The following PTPRD variants were observed in gnomAD, a reference collection of about 807,000 sequenced individuals.
The protein encoded by PTPRD is receptor-type tyrosine-protein phosphatase delta.
In PTPRD, 34 loss-of-function variants were observed where a neutral mutation model predicts 214.5. The ratio of observed to expected loss-of-function variants is 0.16; its 90% CI spans 0.12 to 0.21. PTPRD has a LOEUF of 0.21. Ranked by LOEUF, PTPRD falls within the 10% of genes least tolerant of loss-of-function variation. The pLI, the probability that PTPRD is intolerant of heterozygous loss-of-function variation, is 1.00. For missense variants in PTPRD, 2,545 were observed against 2,398.7 expected (o/e 1.06, Z -1.27); for synonymous variants, 1,128 against 845.7 (o/e 1.33, Z -5.79).
chr9:9,538,901 G>T (rs1394979356), intron 8 of PTPRD, among the ~76,000 whole-genome samples: 1 of 151,670 alleles, frequency 6.6e-6, no homozygotes, highest in South Asian at 2.1e-4. Flanking sequence ...ATATCATATG[G>T]ATATGTAATT....
In PTPRD at chr9:8,317,825, A is replaced by ATGGATATTGAAGGGCCTGTAGT; in HGVS notation, c.*27_*48dup. The ATGGATATTGAAGGGCCTGTAGT allele has an allele frequency of 6.4e-7, 1 of 1,554,232 alleles. No homozygotes were observed. The highest frequency in any genetic ancestry group is 8.9e-7 in the Non-Finnish European group (1 of 1,126,424). On this transcript the variant is annotated 3_prime_UTR_variant, in exon 46 of 46. Transcript: ENST00000381196. The stretch of plus-strand genomic sequence containing the variant: ...CCCTGTATGGCTCAGAAGAGACTCC[A>ATGGATATTGAAGGGCCTGTAGT]TGGATATTGAAGGGCCTGTAGTAAA...
At chr9:9,975,781 T>C (rs2095329837) in intron 4 of PTPRD, among the ~76,000 whole-genome samples, 1 of 152,156 alleles carries the variant, frequency 6.6e-6, no homozygotes, top group African/African-American at 2.4e-5. Context: ...CTAACACTTA[T>C]TAGTTCTGTT....
rs182994408 is a variant in PTPRD at position 8,568,440 on chromosome 9, T to C, written c.353-39661A>G. ...TGGAACCTTTCATTCCTATTACTCCTAAATCACCTATAAAGAAATTGGTAA... is the reference window on the plus strand; with the variant it reads ...TGGAACCTTTCATTCCTATTACTCCCAAATCACCTATAAAGAAATTGGTAA... On this transcript the variant is annotated intron_variant, in intron 14 of 45. Coordinates refer to ENST00000381196, the MANE Select transcript of PTPRD (RefSeq NM_002839.4). 2.0e-3 allele frequency among the ~76,000 whole-genome samples: 310 copies of C among 152,254 alleles called. 2 individuals are homozygous for C. Among genetic ancestry groups the C allele is most frequent in the Non-Finnish European group, 3.7e-3 (251 of 68,004 alleles).
At chr9:9,550,111 A>T (rs1028402529) in intron 8 of PTPRD, among the ~76,000 whole-genome samples, 1 of 151,978 alleles carries the variant, frequency 6.6e-6, no homozygotes, top group Non-Finnish European at 1.5e-5. Flanking sequence ...CCCCCATAAC[A>T]TGAATGGAAT....
intron 10 of PTPRD, among the ~76,000 whole-genome samples, chr9:9,097,092 AC>A (rs1179974966): frequency 6.6e-6 from 1 of 152,192 alleles, no homozygotes; most frequent in African/African-American, 2.4e-5. Flanking sequence ...ATATAAGGCA[AC>A]ATTTGGTTTG....
At chr9:9,161,288 T>C (rs1270562407) in intron 10 of PTPRD, among the ~76,000 whole-genome samples, 1 of 152,166 alleles carries the variant, frequency 6.6e-6, no homozygotes, top group African/African-American at 2.4e-5. Context: ...AAACATCATA[T>C]AGTGACCTGT....
intron 10 of PTPRD, among the ~76,000 whole-genome samples, chr9:9,112,239 C>G (rs2099807126): frequency 1.3e-5 from 2 of 152,142 alleles, no homozygotes; most frequent in African/African-American, 4.8e-5. Context: ...TGGGTGCCCT[C>G]CTCTAGCTAA....
intron 9 of PTPRD, among the ~76,000 whole-genome samples, chr9:9,337,832 G>C (rs1299466009): frequency 2.0e-5 from 3 of 152,048 alleles, no homozygotes; most frequent in Admixed American, 2.0e-4. Context: ...CTCTATCATA[G>C]GTACAAATTA....
chr9:9,468,206 T>C (rs1300647950), intron 8 of PTPRD, among the ~76,000 whole-genome samples: 1 of 152,066 alleles, frequency 6.6e-6, no homozygotes, highest in Admixed American at 6.6e-5. Context: ...TTTATCGGTT[T>C]TTATTTTTTC....
At chr9:8,463,073 T>G (rs2096457652) in intron 32 of PTPRD, among the ~76,000 whole-genome samples, 1 of 151,874 alleles carries the variant, frequency 6.6e-6, no homozygotes, top group Non-Finnish European at 1.5e-5. Context: ...TATATTTAAA[T>G]GTTTTAACCT....
At chr9:10,062,996 T>C (rs2097802091) in intron 3 of PTPRD, among the ~76,000 whole-genome samples, 1 of 152,058 alleles carries the variant, frequency 6.6e-6, no homozygotes, top group South Asian at 2.1e-4. Flanking sequence ...ATTAATATGT[T>C]AAGAAAAGAC....
intron 8 of PTPRD, among the ~76,000 whole-genome samples, chr9:9,478,563 A>G (rs576387838): frequency 6.6e-6 from 1 of 152,142 alleles, no homozygotes; most frequent in Non-Finnish European, 1.5e-5. Flanking sequence ...AAGTAAACAG[A>G]TCTTGCCACA....
chr9:10,060,872 C>CTTT lies in PTPRD; in HGVS notation c.-544-27083_-544-27082insAAA, dbSNP rs1477665562. Reference sequence around the variant, plus strand: ...TCCTTTCTTTCTTCCTTCCTTCTTTCCTTCCTTCCTTCCTTCCTTCCTTCC... The same window carrying CTTT: ...TCCTTTCTTTCTTCCTTCCTTCTTTCTTTCTTCCTTCCTTCCTTCCTTCCTTCC... On this transcript the variant is annotated intron_variant, in intron 3 of 45. Transcript: ENST00000381196. 1.2e-3 allele frequency among the ~76,000 whole-genome samples: 79 copies of CTTT among 68,552 alleles called. 5 individuals carry two copies. In the African/African-American group the frequency reaches 0.012, roughly 11 times the overall value. The allele number at this position is 68,552 out of a possible 152,430, so 45.0% of individuals were successfully genotyped here.
intron 12 of PTPRD, among the ~76,000 whole-genome samples, chr9:8,671,419 A>T (rs1397420292): frequency 6.6e-6 from 1 of 152,130 alleles, no homozygotes; most frequent in African/African-American, 2.4e-5. Flanking sequence ...AAAAGAAGCA[A>T]AAGGGAATGA....
chr9:8,837,736 A>C (rs986543131), intron 11 of PTPRD, among the ~76,000 whole-genome samples: 1 of 152,140 alleles, frequency 6.6e-6, no homozygotes, highest in Admixed American at 6.6e-5. Context: ...TTCTAGACTC[A>C]AGTGATTCTC....
chr9:8,502,858 A>ATG (rs1234466928), intron 23 of PTPRD, among the ~76,000 whole-genome samples: 1 of 151,112 alleles, frequency 6.6e-6, no homozygotes, highest in African/African-American at 2.4e-5. Context: ...GTATATATAT[A>ATG]TATATACACA....
At chr9:10,231,063 C>A (rs1398924174) in intron 3 of PTPRD, among the ~76,000 whole-genome samples, 1 of 151,906 alleles carries the variant, frequency 6.6e-6, no homozygotes, top group African/African-American at 2.4e-5. Flanking sequence ...AAGGAAGACA[C>A]AGAAGCTTGC....
At chr9:9,416,420 T>A (rs10739191) in intron 8 of PTPRD, among the ~76,000 whole-genome samples, 43,811 of 152,072 alleles carry the variant, frequency 0.29, 6,520 homozygotes, top group African/African-American at 0.34. Flanking sequence ...GATCCTTGGT[T>A]TCCTCATGGG....
chr9:9,806,604 C>T (rs767278240), intron 5 of PTPRD, among the ~76,000 whole-genome samples: 8 of 152,180 alleles, frequency 5.3e-5, no homozygotes, highest in Non-Finnish European at 8.8e-5. Context: ...AATGATAATC[C>T]CACCACCCTT....
Sources: gnomAD v4.1 joint callset for allele counts (sites outside exome capture counted in the v4.1 genomes callset) on GRCh38, gnomAD v4.1.1 for gene constraint, MANE v1.5 for transcripts, NCBI Gene and HGNC (gene_info 2026-07-23, HGNC 2026-07-21) for gene names.